GOLM2: variants seen among roughly 807,000 people sequenced by gnomAD.
GOLM2 encodes protein GOLM2.
In GOLM2, 26 loss-of-function variants were observed where a neutral mutation model predicts 55.9. The observed-to-expected ratio is 0.47, with a 90% CI of 0.34 to 0.65. The LOEUF (loss-of-function observed/expected upper bound fraction) is 0.65. Ranked by LOEUF, GOLM2 falls within the 30% of genes least tolerant of loss-of-function variation. GOLM2 has a pLI of 0.01. For missense variants in GOLM2, 486 were observed against 531.8 expected, an observed-to-expected ratio of 0.91 and a Z score of 0.85; for synonymous variants, 165 against 194.6, an observed-to-expected ratio of 0.85 and a Z score of 1.27.
At chr15:44,341,442 A>G (rs2079090125) in intron 6 of GOLM2, among the ~76,000 whole-genome samples, 1 of 151,888 alleles carries the variant, frequency 6.6e-6, no homozygotes, top group African/African-American at 2.4e-5. Context: ...TAATGTCTCC[A>G]TTTATTTTCT....
intron 1 of GOLM2, among the ~76,000 whole-genome samples, chr15:44,291,439 A>G (rs1338474299): frequency 1.3e-5 from 2 of 152,238 alleles, no homozygotes; most frequent in Non-Finnish European, 2.9e-5. Context: ...TTGATGGTCT[A>G]CAAATGTTCC....
In GOLM2 at chr15:44,376,444, T is replaced by A. The variant is rs554304679; in HGVS notation, c.803-3246T>A. 2.0e-4 allele frequency among the ~76,000 whole-genome samples: 30 copies of A among 152,230 alleles called. No homozygotes were observed. The South Asian group carries it at 5.0e-3, about 25-fold the overall frequency. ...CCCACCCAGCTAATTGTATTTACTT[T>A]TAGTAGAGACAGAGTCTTGCTAGGT... On this transcript the variant is annotated intron_variant, in intron 6 of 9. Coordinates refer to ENST00000299957, the MANE Select transcript of GOLM2 (RefSeq NM_138423.4).
Position 44,328,860 on chromosome 15 carries a change from T to C in GOLM2, c.485+73T>C. The C allele has an allele frequency of 5.1e-6, 5 of 985,260 alleles. No individual in the cohort carries two copies. In the East Asian group the frequency reaches 1.4e-4, roughly 28 times the overall value. The allele number at this position is 985,260 out of a possible 1,614,324, so 61.0% of individuals were successfully genotyped here. A position where few individuals can be genotyped will look rare whatever the true frequency, so the allele number is the denominator to read the frequency against. On this transcript the variant is annotated intron_variant, in intron 3 of 9. Transcript: ENST00000299957. The stretch of plus-strand genomic sequence containing the variant: ...CAGCTTTTGGACTCAGTTCATTTCT[T>C]TCTCTCTGACTTTTGTTTCCCTTTT...
intron 8 of GOLM2, among the ~76,000 whole-genome samples, chr15:44,392,025 T>C (rs946912617): frequency 6.6e-6 from 1 of 151,962 alleles, no homozygotes; most frequent in African/African-American, 2.4e-5. Context: ...TAATTTTGTA[T>C]TTTTAGTAGA....
intron 8 of GOLM2, among the ~76,000 whole-genome samples, chr15:44,383,083 A>G (rs2079415560): frequency 6.6e-6 from 1 of 150,908 alleles, no homozygotes; most frequent in Non-Finnish European, 1.5e-5. Context: ...CTTAATTTAA[A>G]TTTTTATTAA....
At chr15:44,364,694 CA>C (rs991026535) in intron 6 of GOLM2, among the ~76,000 whole-genome samples, 17 of 140,866 alleles carry the variant, frequency 1.2e-4, no homozygotes, top group Admixed American at 2.2e-4. Flanking sequence ...GATCCTGTCT[CA>C]AAAAAAAAAG....
chr15:44,381,962 T>G (rs2141195039), intron 8 of GOLM2: 1 of 152,236 alleles, frequency 6.6e-6, no homozygotes, highest in Admixed American at 6.5e-5. Context: ...CTATTCAAGG[T>G]ATTTTTGTTG....
intron 8 of GOLM2, among the ~76,000 whole-genome samples, chr15:44,386,216 G>A (rs185587691): frequency 5.0e-4 from 76 of 152,230 alleles, no homozygotes; most frequent in African/African-American, 1.8e-3. Context: ...TTTGTATATG[G>A]TTTGAGGTAA....
At chr15:44,363,432 C>G (rs932819448) in intron 6 of GOLM2, among the ~76,000 whole-genome samples, 1 of 152,220 alleles carries the variant, frequency 6.6e-6, no homozygotes, top group Non-Finnish European at 1.5e-5. Flanking sequence ...AGCCAAAAAA[C>G]ACATGGAAAA....
At chr15:44,297,695 A>G (rs1193542959) in intron 1 of GOLM2, among the ~76,000 whole-genome samples, 94 of 123,960 alleles carry the variant, frequency 7.6e-4, no homozygotes, top group Middle Eastern at 6.3e-3. Context: ...CTGAGTAGCT[A>G]GGACTACAGG....
At chr15:44,340,114 G>A (rs1433162247) in intron 6 of GOLM2, among the ~76,000 whole-genome samples, 1 of 152,044 alleles carries the variant, frequency 6.6e-6, no homozygotes, top group African/African-American at 2.4e-5. Flanking sequence ...CAGCTACCAT[G>A]CCCAGCCTAT....
intron 1 of GOLM2, among the ~76,000 whole-genome samples, chr15:44,306,582 A>G (rs1019424623): frequency 1.3e-5 from 2 of 152,158 alleles, no homozygotes; most frequent in African/African-American, 2.4e-5. Flanking sequence ...TGCATTCACA[A>G]TTTGGCTGTT....
intron 6 of GOLM2, among the ~76,000 whole-genome samples, chr15:44,377,610 G>C (rs1358797983): frequency 6.6e-6 from 1 of 152,120 alleles, no homozygotes; most frequent in South Asian, 2.1e-4. Context: ...CTGGCCACAA[G>C]TGACTCACAT....
chr15:44,335,561 A>G (rs1035304017), intron 4 of GOLM2, among the ~76,000 whole-genome samples: 3 of 152,248 alleles, frequency 2.0e-5, no homozygotes, highest in Admixed American at 6.5e-5. Context: ...CTTATGAGAT[A>G]GCATTATAGT....
At chr15:44,364,351 C>T (rs2079267477) in intron 6 of GOLM2, among the ~76,000 whole-genome samples, 2 of 148,454 alleles carry the variant, frequency 1.3e-5, no homozygotes, top group Non-Finnish European at 3.0e-5. Context: ...TGACAAAACC[C>T]CATCTCTACC....
At chr15:44,401,807 T>C (rs1369970739) in intron 8 of GOLM2, among the ~76,000 whole-genome samples, 1 of 151,922 alleles carries the variant, frequency 6.6e-6, no homozygotes, top group Non-Finnish European at 1.5e-5. Context: ...GTAGGTATTA[T>C]GTCTATTTAT....
chr15:44,289,657 TG>T lies in GOLM2; in HGVS notation c.327+303del, dbSNP rs1409841238. On this transcript the variant is annotated intron_variant, in intron 1 of 9. Transcript: ENST00000299957. The surrounding 1 kb of genome is among the most constrained non-coding windows in gnomAD (Gnocchi z 4.8). ...GGCAGTAGTAATCATCTGGCCTGTG[TG>T]GCCCCCTTACCTTCAAAGACACACA... Among the ~76,000 whole-genome samples the T allele has an allele frequency of 8.5e-5, 13 of 152,244 alleles. No individual in the cohort carries two copies. Among genetic ancestry groups the T allele is most frequent in the Admixed American group, 8.5e-4 (13 of 15,288 alleles).
At chr15:44,290,494 C>T (rs888382054) in intron 1 of GOLM2, among the ~76,000 whole-genome samples, 2 of 152,182 alleles carry the variant, frequency 1.3e-5, no homozygotes, top group Admixed American at 1.3e-4. Flanking sequence ...GATTAAGGCC[C>T]TCAGCTAAGT....
chr15:44,301,658 T>C (rs541131029), intron 1 of GOLM2, among the ~76,000 whole-genome samples: 1 of 152,000 alleles, frequency 6.6e-6, no homozygotes, highest in Non-Finnish European at 1.5e-5. Flanking sequence ...GAGGCAAAGA[T>C]TGAGTGAGAG....
Sources: gnomAD v4.1 joint callset for allele counts (sites outside exome capture counted in the v4.1 genomes callset) on GRCh38, gnomAD v4.1.1 for gene constraint, Gnocchi (gnomAD v3.1) non-coding constraint, MANE v1.5 for transcripts, NCBI Gene and HGNC (gene_info 2026-07-23, HGNC 2026-07-21) for gene names.